The following ADAMTS2 variants were observed in gnomAD, a reference collection of about 807,000 sequenced individuals.
The protein encoded by ADAMTS2 is ADAM metallopeptidase with thrombospondin type 1 motif 2.
In ADAMTS2, 50 loss-of-function variants were observed where a neutral mutation model predicts 123.0. The ratio of observed to expected loss-of-function variants is 0.41; its 90% CI spans 0.32 to 0.51. ADAMTS2 has a LOEUF of 0.51. ADAMTS2 is among the 20% of genes least tolerant of loss of function. The pLI is 0.35. For synonymous variants in ADAMTS2, 678 were observed against 695.4 expected (o/e 0.98, Z 0.39); for missense variants, 1,494 against 1,705.2 (o/e 0.88, Z 2.18).
chr5:179,316,231 G>T (rs1040916216), intron 2 of ADAMTS2, among the ~76,000 whole-genome samples: 2 of 152,210 alleles, frequency 1.3e-5, no homozygotes, highest in African/African-American at 4.8e-5. Flanking sequence ...GAATTCAAAG[G>T]CTCTTGCCTG....
chr5:179,296,983 G>A (rs1440376354), intron 2 of ADAMTS2, among the ~76,000 whole-genome samples: 1 of 152,174 alleles, frequency 6.6e-6, no homozygotes, highest in Non-Finnish European at 1.5e-5. Flanking sequence ...CAGGGTGTCT[G>A]TAGTATCATC....
rs1472936855 is a variant in ADAMTS2, at chr5:179,308,327, G to A, written c.535-35263C>T. On this transcript the variant is annotated intron_variant, in intron 2 of 21. Coordinates refer to ENST00000251582, the MANE Select transcript of ADAMTS2 (RefSeq NM_014244.5). The surrounding 1 kb of genome is among the most constrained non-coding windows in gnomAD (Gnocchi z 6.6). ...CACCAGGACCATCTGACAAATGACC[G>A]CCTTGGGGATCCGTGGAGCTCAGCG... is the stretch of plus-strand genomic sequence containing the variant. Among the ~76,000 whole-genome samples the A allele has an allele frequency of 2.0e-5, 3 of 152,188 alleles. No homozygotes were observed. Among genetic ancestry groups the A allele is most frequent in the Non-Finnish European group, 2.9e-5 (2 of 68,030 alleles).
rs765408218 is a variant in ADAMTS2, at chr5:179,125,221, C to T, written c.2751-41G>A. 2.5e-6 allele frequency: 4 copies of T among 1,590,712 alleles called. No individual in the cohort carries two copies. The Admixed American group carries it at 6.7e-5, about 27-fold the overall frequency. ...GGGGCACAGTCAGGCTTCCGCAGCACCTGGAGAACCTGCCTGGCTGAGCTC... is the reference window on the plus strand; with the variant it reads ...GGGGCACAGTCAGGCTTCCGCAGCATCTGGAGAACCTGCCTGGCTGAGCTC... On this transcript the variant is annotated intron_variant, in intron 18 of 21. Transcript: ENST00000251582.
At chr5:179,215,282 C>G (rs1354111641) in intron 3 of ADAMTS2, among the ~76,000 whole-genome samples, 1 of 152,090 alleles carries the variant, frequency 6.6e-6, no homozygotes. Flanking sequence ...AACCCTATCT[C>G]TACTAAAAAT....
chr5:179,310,398 C>G (rs78639168), intron 2 of ADAMTS2, among the ~76,000 whole-genome samples: 5 of 152,170 alleles, frequency 3.3e-5, no homozygotes, highest in African/African-American at 1.2e-4. Flanking sequence ...CTTTCCGAAG[C>G]CCCCCCATAG....
At chr5:179,239,933 G>T (rs1268949861) in intron 3 of ADAMTS2, among the ~76,000 whole-genome samples, 1 of 152,198 alleles carries the variant, frequency 6.6e-6, no homozygotes, top group Non-Finnish European at 1.5e-5. Context: ...AGATGCAGCA[G>T]CATGATGACC....
intron 5 of ADAMTS2, among the ~76,000 whole-genome samples, chr5:179,173,383 AT>A (rs1763866491): frequency 6.6e-6 from 1 of 152,166 alleles, no homozygotes; most frequent in Non-Finnish European, 1.5e-5. Flanking sequence ...TGGTAAATAT[AT>A]TTGTACACCA....
At chr5:179,165,030 C>T (rs900753458) in intron 5 of ADAMTS2, among the ~76,000 whole-genome samples, 10 of 152,206 alleles carry the variant, frequency 6.6e-5, no homozygotes, top group African/African-American at 1.9e-4. Context: ...GCAAGGCCCT[C>T]GCTACTGGAG....
intron 2 of ADAMTS2, among the ~76,000 whole-genome samples, chr5:179,277,393 C>A (rs111712064): frequency 5.1e-5 from 2 of 39,478 alleles, no homozygotes; most frequent in Admixed American, 5.1e-4. Flanking sequence ...TGACCCCCCC[C>A]CCGAGACCAA....
At chr5:179,299,251 C>T (rs575020218) in intron 2 of ADAMTS2, among the ~76,000 whole-genome samples, 1 of 148,782 alleles carries the variant, frequency 6.7e-6, no homozygotes, top group African/African-American at 2.5e-5. Flanking sequence ...CAAATTTGTC[C>T]AGGCGCGGTG....
chr5:179,245,286 C>T (rs1186744134), intron 3 of ADAMTS2, among the ~76,000 whole-genome samples: 4 of 152,062 alleles, frequency 2.6e-5, no homozygotes, highest in South Asian at 2.1e-4. Context: ...AGATCCTCCC[C>T]GGAGGAGGAC....
Position 179,181,059 on chromosome 5 carries a change from A to C in ADAMTS2, c.975+13T>G. 1 of 1,611,538 alleles carries C rather than the reference A, an allele frequency of 6.2e-7. No homozygotes were observed. Among genetic ancestry groups the C allele is most frequent in the South Asian group, 1.1e-5 (1 of 91,028 alleles). ...GGGGTGGAGGCAGGCCCGGCTGGCCACAGTGCACTCACCTTTCCATAGCTC... is the reference window on the plus strand; with the variant it reads ...GGGGTGGAGGCAGGCCCGGCTGGCCCCAGTGCACTCACCTTTCCATAGCTC... On this transcript the variant is annotated intron_variant, in intron 5 of 21. Coordinates refer to ENST00000251582, the MANE Select transcript of ADAMTS2 (RefSeq NM_014244.5). This position sits in a 1 kb window ranked among gnomAD's most constrained non-coding sequence, Gnocchi z 4.1.
At chr5:179,150,498 G>A (rs1272770199) in intron 10 of ADAMTS2, among the ~76,000 whole-genome samples, 1 of 152,118 alleles carries the variant, frequency 6.6e-6, no homozygotes, top group Admixed American at 6.5e-5. Flanking sequence ...GACTCACGAC[G>A]GCCAAAAGGT....
At chr5:179,237,914 C>T (rs554202555) in intron 3 of ADAMTS2, among the ~76,000 whole-genome samples, 47 of 152,264 alleles carry the variant, frequency 3.1e-4, no homozygotes, top group Middle Eastern at 3.4e-3. Flanking sequence ...CCATCGCTCC[C>T]GACACGCACG....
At chr5:179,125,705 A>G (rs1309189330) in intron 18 of ADAMTS2, among the ~76,000 whole-genome samples, 1 of 152,210 alleles carries the variant, frequency 6.6e-6, no homozygotes, top group Non-Finnish European at 1.5e-5. Flanking sequence ...CTTAAGAAAC[A>G]TCTACCCCGT....
At chr5:179,259,553 G>C (rs1179404763) in intron 3 of ADAMTS2, among the ~76,000 whole-genome samples, 1 of 152,132 alleles carries the variant, frequency 6.6e-6, no homozygotes, top group African/African-American at 2.4e-5. Flanking sequence ...GCTGGGAGCA[G>C]TGCTCCAGCC....
chr5:179,336,303 G>A (rs986080441), intron 2 of ADAMTS2, among the ~76,000 whole-genome samples: 4 of 152,254 alleles, frequency 2.6e-5, no homozygotes, highest in African/African-American at 7.2e-5. Flanking sequence ...GCAGAAAGGC[G>A]CATGTAGCTT....
intron 2 of ADAMTS2, among the ~76,000 whole-genome samples, chr5:179,343,396 G>T (rs1020554311): frequency 2.6e-5 from 4 of 152,180 alleles, no homozygotes; most frequent in Admixed American, 6.5e-5. Flanking sequence ...CCAGATGCAG[G>T]TACACACCAA....
rs1409961074 is a variant in ADAMTS2 at position 179,223,664 on chromosome 5, ACT to A, written c.689-15951_689-15950del. Among the ~76,000 whole-genome samples, 25 of 148,372 alleles carry A rather than the reference ACT, an allele frequency of 1.7e-4. 1 individual carries two copies. Among genetic ancestry groups the A allele is most frequent in the South Asian group, 6.4e-4 (3 of 4,656 alleles). ...CACACACATACACTCACAGACGCAC[ACT>A]CACACATGAATGCACTCACACACAC... is the stretch of plus-strand genomic sequence containing the variant. On this transcript the variant is annotated intron_variant, in intron 3 of 21. Coordinates refer to ENST00000251582, the MANE Select transcript of ADAMTS2 (RefSeq NM_014244.5).
Sources: allele counts gnomAD v4.1 joint callset (sites outside exome capture counted in the v4.1 genomes callset), GRCh38; gene constraint gnomAD v4.1.1; non-coding constraint Gnocchi (gnomAD v3.1); transcripts MANE v1.5; gene names NCBI Gene and HGNC (gene_info 2026-07-23, HGNC 2026-07-21).